The following CCDC146 variants were observed in gnomAD, a reference collection of about 807,000 sequenced individuals.
The protein encoded by CCDC146 is coiled-coil domain containing 146, also known as coiled-coil domain-containing protein 146.
A neutral mutation model predicts 119.3 loss-of-function variants in CCDC146; 92 were observed. The observed-to-expected ratio is 0.77, with a 90% CI of 0.65 to 0.92. The LOEUF (loss-of-function observed/expected upper bound fraction) is 0.92, where lower values mean the gene tolerates loss of function less well. Among genes scored for constraint, CCDC146 ranks in the 40% least tolerant of loss-of-function variants. The pLI, the probability that CCDC146 is intolerant of heterozygous loss-of-function variation, is 0.00. For synonymous variants in CCDC146, 372 were observed against 371.8 expected (o/e 1.00, Z -0.01); for missense variants, 1,000 against 1,103.0 (o/e 0.91, Z 1.32).
chr7:77,239,165 G>C (rs142535994), intron 3 of CCDC146, among the ~76,000 whole-genome samples: 1 of 152,276 alleles, frequency 6.6e-6, no homozygotes, highest in East Asian at 1.9e-4. Context: ...GTTGCGATTT[G>C]TGTTCTGGCT....
chr7:77,181,489 T>C (rs1045467031), intron 2 of CCDC146, among the ~76,000 whole-genome samples: 1 of 152,210 alleles, frequency 6.6e-6, no homozygotes, highest in Non-Finnish European at 1.5e-5. Context: ...GCAGGCCGCG[T>C]ATATAGGGCA....
In CCDC146 at chr7:77,260,173, A is replaced by T; in HGVS notation, c.923A>T (p.His308Leu). 6.2e-7 allele frequency: 1 copy of T among 1,614,150 alleles called. No homozygotes were observed. The highest frequency in any genetic ancestry group is 8.5e-7 in the Non-Finnish European group (1 of 1,180,046). The part of the protein sequence containing the change: ...RALLEIKERE[H>L]NQLVKLLELA... ...TTACTTGAAATCAAAGAACGAGAAC[A>T]TAACCAATTGGTCAAGCTATTGGAA... is the stretch of plus-strand genomic sequence containing the variant. Residue 308 changes from histidine to leucine, a missense_variant, in exon 8 of 19, where the codon CAT (histidine) becomes CTT (leucine). Physicochemically the swap from His to Leu is moderately conservative, Grantham distance 99. Around this residue, in one of 2 missense-constraint regions of CCDC146, gnomAD observed 985 missense variants for 1,045.3 expected, o/e 0.94. Transcript: ENST00000285871.
intron 1 of CCDC146, among the ~76,000 whole-genome samples, chr7:77,153,808 C>T (rs897267439): frequency 4.0e-5 from 6 of 151,246 alleles, no homozygotes; most frequent in African/African-American, 1.5e-4. Context: ...TCATAGATAC[C>T]TTTGGAAGGG....
intron 2 of CCDC146, chr7:77,193,591 G>T (rs766504947): frequency 1.3e-5 from 2 of 152,036 alleles, no homozygotes; most frequent in Admixed American, 1.3e-4. Flanking sequence ...AAGTTTTGTT[G>T]CCCAGATTTC....
intron 1 of CCDC146, among the ~76,000 whole-genome samples, chr7:77,132,992 T>G (rs1016954236): frequency 2.4e-4 from 36 of 151,966 alleles, no homozygotes; most frequent in African/African-American, 6.5e-4. Context: ...GCTAACATGG[T>G]GAAACCCCAT....
intron 2 of CCDC146, among the ~76,000 whole-genome samples, chr7:77,232,867 C>T (rs1194037711): frequency 6.6e-6 from 1 of 152,178 alleles, no homozygotes; most frequent in African/African-American, 2.4e-5. Flanking sequence ...ACATGGGCAC[C>T]TCACTGGCTG....
chr7:77,187,525 C>T (rs3114357), intron 2 of CCDC146, among the ~76,000 whole-genome samples: 71,417 of 151,852 alleles, frequency 0.47, 18,160 homozygotes, highest in African/African-American at 0.67. Context: ...CTTAGGGCCT[C>T]AGCGCCACTC....
intron 2 of CCDC146, among the ~76,000 whole-genome samples, chr7:77,205,442 C>G (rs1411631846): frequency 1.3e-5 from 2 of 152,066 alleles, no homozygotes; most frequent in African/African-American, 4.8e-5. Flanking sequence ...GTGTTTTCTC[C>G]GTAAGACACA....
At chr7:77,254,347 G>A (rs577017138) in intron 4 of CCDC146, among the ~76,000 whole-genome samples, 159 bp from the exon 5 acceptor site, 7 of 152,326 alleles carry the variant, frequency 4.6e-5, no homozygotes, top group African/African-American at 1.7e-4. Flanking sequence ...GCACCCCAAT[G>A]CACCTGTGAT....
At position 77,259,007 on chromosome 7, in the gene CCDC146, C is replaced by A. The variant is rs754605585; in HGVS notation, c.697C>A (p.His233Asn). 2.4e-5 allele frequency: 38 copies of A among 1,611,626 alleles called. 1 individual carries two copies. Among genetic ancestry groups the A allele is most frequent in the Non-Finnish European group, 3.2e-5 (38 of 1,178,270 alleles). Residue 233 changes from histidine (H) to asparagine (N), a missense_variant, in exon 7 of 19, where the codon CAC becomes AAC. His to Asn is a moderately conservative substitution (Grantham distance 68). Transcript: ENST00000285871. ...GTTTCTTTACTAGGATGAAGTGGCC[C>A]ACCATCAAACCATTCCAGTACAAAT... ...HQVVLKDEVA[H>N]HQTIPVQIGK...
At chr7:77,223,413 G>T (rs916894418) in intron 2 of CCDC146, among the ~76,000 whole-genome samples, 6 of 152,132 alleles carry the variant, frequency 3.9e-5, no homozygotes, top group African/African-American at 1.4e-4. Context: ...GGCCCCGTTT[G>T]CCCCCTTTGA....
rs544947603 is a variant in CCDC146 at position 77,148,466 on chromosome 7, T to C, written c.-11-19192T>C. Among the ~76,000 whole-genome samples, 6 of 152,076 alleles carry C rather than the reference T, an allele frequency of 3.9e-5. No homozygotes were observed. The East Asian group carries it at 1.2e-3, about 29-fold the overall frequency. On this transcript the variant is annotated intron_variant, in intron 1 of 18. Coordinates refer to ENST00000285871, the MANE Select transcript of CCDC146 (RefSeq NM_020879.3). ...CAGTGAGATGAACCCAGTACCTCAGTTGGAAATGCAGAAATCACCCGTCTT... is the reference window on the plus strand; with the variant it reads ...CAGTGAGATGAACCCAGTACCTCAGCTGGAAATGCAGAAATCACCCGTCTT...
chr7:77,233,627 A>G (rs1289011245), intron 2 of CCDC146, among the ~76,000 whole-genome samples: 2 of 152,180 alleles, frequency 1.3e-5, no homozygotes, highest in African/African-American at 4.8e-5. Context: ...CAGGCATTAC[A>G]TTCTCCTAAG....
intron 1 of CCDC146, among the ~76,000 whole-genome samples, chr7:77,123,884 C>A (rs1790659659): frequency 6.6e-6 from 1 of 152,186 alleles, no homozygotes; most frequent in Non-Finnish European, 1.5e-5. Flanking sequence ...TAGGTGCTAG[C>A]TCAGGTTCAG....
intron 4 of CCDC146, among the ~76,000 whole-genome samples, chr7:77,244,707 T>C (rs1792914693): frequency 6.6e-6 from 1 of 152,212 alleles, no homozygotes; most frequent in African/African-American, 2.4e-5. Context: ...TGAAGTTGCC[T>C]AACGACGCGT....
At chr7:77,263,384 G>A (rs77424657) in intron 9 of CCDC146, among the ~76,000 whole-genome samples, 14,155 of 152,174 alleles carry the variant, frequency 0.093, 1,211 homozygotes, top group East Asian at 0.42. Context: ...GGAGCAGCCG[G>A]GAATGCTGAG....
At chr7:77,143,817 G>A (rs949827576) in intron 1 of CCDC146, among the ~76,000 whole-genome samples, 27 of 151,676 alleles carry the variant, frequency 1.8e-4, no homozygotes, top group African/African-American at 4.6e-4. Context: ...TGGTTACTGT[G>A]GCCTTGTAGT....
At chr7:77,265,212 A>G (rs1285801413) in intron 9 of CCDC146, among the ~76,000 whole-genome samples, 1 of 152,218 alleles carries the variant, frequency 6.6e-6, no homozygotes, top group African/African-American at 2.4e-5. Context: ...TGTCCATTCA[A>G]AGTACTGACG....
intron 2 of CCDC146, among the ~76,000 whole-genome samples, chr7:77,205,210 T>A (rs759546496): frequency 6.6e-6 from 1 of 152,222 alleles, no homozygotes; most frequent in Non-Finnish European, 1.5e-5. Flanking sequence ...TATAAAGTCA[T>A]TGCGAATACT....
Sources: gnomAD v4.1 joint callset for allele counts (sites outside exome capture counted in the v4.1 genomes callset) on GRCh38, gnomAD v4.1.1 for gene constraint, gnomAD v4.1.1 regional missense constraint, MANE v1.5 for transcripts, NCBI Gene and HGNC (gene_info 2026-07-23, HGNC 2026-07-21) for gene names.